MBOAT1: variants seen among roughly 807,000 people sequenced by gnomAD.
The protein encoded by MBOAT1 is membrane-bound glycerophospholipid O-acyltransferase 1.
Under a neutral mutation model 64.4 loss-of-function variants are expected in MBOAT1, and 67 were observed. The ratio of observed to expected loss-of-function variants is 1.04; its 90% CI spans 0.85 to 1.27. MBOAT1 has a LOEUF of 1.27. Among genes scored for constraint, MBOAT1 ranks in the 50% most tolerant of loss-of-function variants. MBOAT1 has a pLI of 0.00. For synonymous variants in MBOAT1, 229 were observed against 218.9 expected, an observed-to-expected ratio of 1.05 and a Z score of -0.41; for missense variants, 563 against 604.6, an observed-to-expected ratio of 0.93 and a Z score of 0.72.
intron 4 of MBOAT1, among the ~76,000 whole-genome samples, chr6:20,134,696 G>T (rs1467629879): frequency 6.6e-6 from 1 of 152,102 alleles, no homozygotes; most frequent in Non-Finnish European, 1.5e-5. Flanking sequence ...AGTTCTCTCT[G>T]AACACTTTTT....
chr6:20,205,224 A>AGGAAAGAAGAAAAGAAAGAAGAAATTTAG (rs1312768741), intron 1 of MBOAT1, among the ~76,000 whole-genome samples: 1 of 152,078 alleles, frequency 6.6e-6, no homozygotes, highest in Non-Finnish European at 1.5e-5. Flanking sequence ...AAAAGGAAGG[A>AGGAAAGAAGAAAAGAAAGAAGAAATTTAG]GGAAAGAAGA....
Position 20,112,869 on chromosome 6 carries a change from CA to C in MBOAT1, c.1209+6del. On this transcript the variant is annotated splice_donor_region_variant and intron_variant, in intron 11 of 12. Coordinates refer to ENST00000324607, the MANE Select transcript of MBOAT1 (RefSeq NM_001080480.3). ...GGGGAAAGACCCTAGGCCTAAAGCA[CA>C]CTTACCGCTCTAGCTGCTAATGTGA... 1 of 1,612,116 alleles carries C rather than the reference CA, an allele frequency of 6.2e-7. No homozygotes were observed. The highest frequency in any genetic ancestry group is 1.3e-5 in the African/African-American group (1 of 75,000).
intron 1 of MBOAT1, among the ~76,000 whole-genome samples, chr6:20,163,665 G>GC (rs1761928991): frequency 6.6e-6 from 1 of 152,152 alleles, no homozygotes. Flanking sequence ...AGGAACTGGA[G>GC]CCCCGAGCCA....
At chr6:20,163,557 C>G (rs1161763428) in intron 1 of MBOAT1, among the ~76,000 whole-genome samples, 1 of 152,166 alleles carries the variant, frequency 6.6e-6, no homozygotes, top group Non-Finnish European at 1.5e-5. Flanking sequence ...CAAAATCATA[C>G]ACCCAGTCAG....
intron 1 of MBOAT1, among the ~76,000 whole-genome samples, chr6:20,182,682 G>A (rs1002679671): frequency 2.6e-5 from 4 of 152,138 alleles, no homozygotes; most frequent in African/African-American, 4.8e-5. Context: ...TGCCCCCAGT[G>A]AGCCAAACCC....
At chr6:20,111,345 C>T (rs145015124) in intron 11 of MBOAT1, among the ~76,000 whole-genome samples, 1 of 152,176 alleles carries the variant, frequency 6.6e-6, no homozygotes, top group Non-Finnish European at 1.5e-5. Flanking sequence ...GGGGTCCACC[C>T]ATCAAGCAAT....
intron 1 of MBOAT1, among the ~76,000 whole-genome samples, chr6:20,208,353 G>A (rs1398738348): frequency 6.6e-6 from 1 of 151,234 alleles, no homozygotes; most frequent in East Asian, 1.9e-4. Flanking sequence ...GACTGAGGCA[G>A]GAGAATCACG....
At chr6:20,181,561 C>T (rs1031238953) in intron 1 of MBOAT1, among the ~76,000 whole-genome samples, 19 of 152,224 alleles carry the variant, frequency 1.2e-4, no homozygotes, top group African/African-American at 4.6e-4. Context: ...TCTCTGACTT[C>T]AGGGACTGTG....
intron 2 of MBOAT1, among the ~76,000 whole-genome samples, chr6:20,152,157 C>T (rs997854519): frequency 6.6e-6 from 1 of 151,566 alleles, no homozygotes; most frequent in Admixed American, 6.6e-5. Context: ...CCCGTCTCTA[C>T]TAAAAAAAAT....
At chr6:20,163,907 T>C (rs61669491) in intron 1 of MBOAT1, among the ~76,000 whole-genome samples, 9,841 of 151,988 alleles carry the variant, frequency 0.065, 416 homozygotes, top group African/African-American at 0.12. Context: ...GCTGAAGGGA[T>C]CCCACTGAAT....
intron 8 of MBOAT1, among the ~76,000 whole-genome samples, chr6:20,123,823 A>G (rs2483763): frequency 0.023 from 3,554 of 152,236 alleles, 70 homozygotes; most frequent in African/African-American, 0.053. Flanking sequence ...TTGGGAGGCC[A>G]GGGCGGGCAG....
intron 1 of MBOAT1, among the ~76,000 whole-genome samples, chr6:20,182,975 A>G (rs543982406): frequency 2.0e-5 from 3 of 152,328 alleles, no homozygotes; most frequent in East Asian, 3.9e-4. Flanking sequence ...AGAAAACACA[A>G]TGGAAAGGAT....
chr6:20,152,579 A>C (rs753985365), intron 2 of MBOAT1, 45 bp downstream of exon 2: 1 of 1,566,532 alleles, frequency 6.4e-7, no homozygotes, highest in African/African-American at 1.4e-5. Context: ...ATTGCCACAA[A>C]ACATCCAAAT....
At chr6:20,108,754 T>C (rs1055210970) in intron 12 of MBOAT1, among the ~76,000 whole-genome samples, 1 of 152,242 alleles carries the variant, frequency 6.6e-6, no homozygotes, top group South Asian at 2.1e-4. Context: ...ACAGACTATA[T>C]GCCAGATACT....
chr6:20,109,475 C>T, intron 12 of MBOAT1, 123 bp downstream of exon 12: 2 of 1,225,666 alleles, frequency 1.6e-6, no homozygotes, highest in Non-Finnish European at 1.1e-6. Context: ...ATGGACACTT[C>T]CCACACTGAA....
Position 20,181,139 on chromosome 6 carries a change from G to A in MBOAT1, c.100-28370C>T, listed in dbSNP as rs551272843. 2.0e-5 allele frequency among the ~76,000 whole-genome samples: 3 copies of A among 152,262 alleles called. 1 individual carries two copies. In the South Asian group the frequency reaches 6.2e-4, roughly 32 times the overall value. ...CTGTTGAGGGCATTTCCCATCTTGTGGCTGCAGTGGGGAGAGATGAATTAT... is the reference window on the plus strand; with the variant it reads ...CTGTTGAGGGCATTTCCCATCTTGTAGCTGCAGTGGGGAGAGATGAATTAT... On this transcript the variant is annotated intron_variant, in intron 1 of 12. Transcript: ENST00000324607.
intron 12 of MBOAT1, among the ~76,000 whole-genome samples, chr6:20,109,369 TC>T (rs1177763582): frequency 6.6e-6 from 1 of 152,200 alleles, no homozygotes; most frequent in Non-Finnish European, 1.5e-5. Context: ...TGGATGACAT[TC>T]TGAATGGCTT....
chr6:20,121,568 C>T (rs1000476008), intron 8 of MBOAT1, among the ~76,000 whole-genome samples: 1 of 152,170 alleles, frequency 6.6e-6, no homozygotes, highest in African/African-American at 2.4e-5. Context: ...TAGAAAAGTG[C>T]AGGTGCTCTG....
rs953250037 is a variant in MBOAT1 at position 20,101,293 on chromosome 6, T to C, written c.*993A>G. 4.6e-5 allele frequency among the ~76,000 whole-genome samples: 7 copies of C among 152,286 alleles called. No homozygotes were observed. Among genetic ancestry groups the C allele is most frequent in the Admixed American group, 2.6e-4 (4 of 15,304 alleles). ...AAACAGCAGCCCCTCTTCAGCTCCA[T>C]GTACAGGAGACTTTCTGATTTCCAA... On this transcript the variant is annotated 3_prime_UTR_variant, in exon 13 of 13. Coordinates refer to ENST00000324607, the MANE Select transcript of MBOAT1 (RefSeq NM_001080480.3).
Sources: allele counts gnomAD v4.1 joint callset (sites outside exome capture counted in the v4.1 genomes callset), GRCh38; gene constraint gnomAD v4.1.1; transcripts MANE v1.5; gene names NCBI Gene and HGNC (gene_info 2026-07-23, HGNC 2026-07-21).